Variants in FAM120AOS observed in about 807,000 individuals in gnomAD.
The protein encoded by FAM120AOS is family with sequence similarity 120 member A opposite strand, also known as uncharacterized protein FAM120AOS.
A neutral mutation model predicts 20.2 loss-of-function variants in FAM120AOS; 15 were observed. That is an observed-to-expected ratio of 0.74 (90% CI 0.50 to 1.15). The LOEUF (loss-of-function observed/expected upper bound fraction) is 1.15. Among genes scored for constraint, FAM120AOS ranks in the 50% most tolerant of loss-of-function variants. The probability of loss-of-function intolerance (pLI) is 0.00; values close to 1 mark genes in which losing one functional copy is unlikely to be tolerated. For synonymous variants in FAM120AOS, 154 were observed against 154.0 expected (o/e 1.00, Z 0.00); for missense variants, 327 against 351.9 (o/e 0.93, Z 0.57).
chr9:93,452,824 A>G lies in FAM120AOS; in HGVS notation c.-115T>C. On this transcript the variant is annotated 5_prime_UTR_variant, in exon 1 of 3. Coordinates refer to ENST00000375412, the MANE Select transcript of FAM120AOS (RefSeq NM_198841.4). The surrounding 1 kb of genome is among the most constrained non-coding windows in gnomAD (Gnocchi z 7.0). The stretch of plus-strand genomic sequence containing the variant: ...TTCATCTTGGAAGCAGGCAGGATAC[A>G]GAGTAATAGAGGGGGTTTCGCCAGA... 2 of 1,554,642 alleles carry G rather than the reference A, an allele frequency of 1.3e-6. No individual in the cohort carries two copies. Among genetic ancestry groups the G allele is most frequent in the Non-Finnish European group, 8.6e-7 (1 of 1,159,548 alleles).
chr9:93,451,188 G>A (rs935384003), intron 1 of FAM120AOS: 8 of 1,549,250 alleles, frequency 5.2e-6, no homozygotes, highest in Admixed American at 3.9e-5. Flanking sequence ...GTCAGTGTGG[G>A]CAGCAGGCCC....
rs763087661 is a variant in FAM120AOS, at chr9:93,447,626, G to A, written c.756C>T (p.Phe252=). The change falls in exon 3 of 3, where the codon TTC becomes TTT. Residue 252 remains phenylalanine (F), a synonymous_variant. Coordinates refer to ENST00000375412, the MANE Select transcript of FAM120AOS (RefSeq NM_198841.4). The part of the protein sequence containing the change: ...KTTKPPTLRS[F]LSPI ...CCCTAGTTTTTCAAATTGGACTCAAGAATGATCTTAGTGTTGGTGGTTTTG... is the reference window on the plus strand; with the variant it reads ...CCCTAGTTTTTCAAATTGGACTCAAAAATGATCTTAGTGTTGGTGGTTTTG... 1.2e-6 allele frequency: 2 copies of A among 1,613,850 alleles called. No individual in the cohort carries two copies. The highest frequency in any genetic ancestry group is 1.7e-6 in the Non-Finnish European group (2 of 1,179,882).
Position 93,453,321 on chromosome 9 carries a change from A to G in FAM120AOS, c.-612T>C. 1 of 986,710 alleles carries G rather than the reference A, an allele frequency of 1.0e-6. No homozygotes were observed. Among genetic ancestry groups the G allele is most frequent in the South Asian group, 4.6e-5 (1 of 21,518 alleles). The allele number at this position is 986,710 out of a possible 1,614,324, so 61.1% of individuals were successfully genotyped here. ...AGGGCTTCGCAGCTGGCACTGGGCC[A>G]GAGGAGAACTTCAGGACCCAGCAGT... On this transcript the variant is annotated 5_prime_UTR_variant, in exon 1 of 3. Transcript: ENST00000375412.
chr9:93,448,512 A>C (rs575870347), intron 2 of FAM120AOS: 2 of 190,304 alleles, frequency 1.1e-5, no homozygotes, highest in African/African-American at 4.7e-5. Flanking sequence ...AAAATAAATA[A>C]AATAAATACA....
Position 93,443,843 on chromosome 9 carries a change from T to C in FAM120AOS, c.*3768A>G, listed in dbSNP as rs140145584. On this transcript the variant is annotated 3_prime_UTR_variant, in exon 3 of 3. Coordinates refer to ENST00000375412, the MANE Select transcript of FAM120AOS (RefSeq NM_198841.4). ...GGCCCCTTTTCCTCATCCTCTGGCT[T>C]AGAAAGATGGGCTTTCTCTCTGATG... 2.4e-3 allele frequency among the ~76,000 whole-genome samples: 362 copies of C among 152,202 alleles called. 1 individual carries two copies. Among genetic ancestry groups the C allele is most frequent in the African/African-American group, 8.1e-3 (335 of 41,514 alleles).
At position 93,452,573 on chromosome 9, in the gene FAM120AOS, G is replaced by A. The variant is rs1857303593; in HGVS notation, c.137C>T (p.Ala46Val). The A allele has an allele frequency of 1.9e-6, 3 of 1,593,674 alleles. No homozygotes were observed. The highest frequency in any genetic ancestry group is 2.5e-6 in the Non-Finnish European group (3 of 1,177,056). The change falls in exon 1 of 3, where the codon GCG becomes GTG. Residue 46 changes from alanine to valine, a missense_variant. Ala to Val is a moderately conservative substitution (Grantham distance 64). Coordinates refer to ENST00000375412, the MANE Select transcript of FAM120AOS (RefSeq NM_198841.4). The surrounding 1 kb of genome is among the most constrained non-coding windows in gnomAD (Gnocchi z 7.0). ...NRDSWRRAWAARGLHPRPSIL... is the reference protein window; with the variant it reads ...NRDSWRRAWAVRGLHPRPSIL... ...GGATGGCCGCGGGTGCAGGCCGCGC[G>A]CTGCCCAAGCCCGTCTCCAGCTGTC... is the stretch of plus-strand genomic sequence containing the variant.
intron 1 of FAM120AOS, chr9:93,451,057 A>G (rs771971105): frequency 1.3e-6 from 2 of 1,550,618 alleles, no homozygotes; most frequent in South Asian, 2.4e-5. Flanking sequence ...AAAAACCACA[A>G]CCGAGAGCCC....
At chr9:93,451,861 AC>A (rs1304594646) in intron 1 of FAM120AOS, 1 of 857,294 alleles carries the variant, frequency 1.2e-6, no homozygotes. Flanking sequence ...CGGCCCCACC[AC>A]CCCCGGCCCC....
chr9:93,449,359 G>C (rs1372322155), intron 2 of FAM120AOS, among the ~76,000 whole-genome samples: 1 of 152,020 alleles, frequency 6.6e-6, no homozygotes, highest in African/African-American at 2.4e-5. Context: ...GGTTCAATAA[G>C]GTAAATATTT....
chr9:93,451,054 A>G lies in FAM120AOS; in HGVS notation c.564-455T>C, dbSNP rs745793811. On this transcript the variant is annotated intron_variant, in intron 1 of 2. Transcript: ENST00000375412. ...GTCATTTGTCATAGGTGTAAAAACCACAACCGAGAGCCCGAAGCTGCTGGG... is the reference window on the plus strand; with the variant it reads ...GTCATTTGTCATAGGTGTAAAAACCGCAACCGAGAGCCCGAAGCTGCTGGG... 78 of 1,550,496 alleles carry G rather than the reference A, an allele frequency of 5.0e-5. 1 individual carries two copies. In the South Asian group the frequency reaches 8.8e-4, roughly 17 times the overall value.
At chr9:93,448,110 G>C (rs1856922725) in intron 2 of FAM120AOS, among the ~76,000 whole-genome samples, 1 of 152,178 alleles carries the variant, frequency 6.6e-6, no homozygotes, top group Non-Finnish European at 1.5e-5. Context: ...TACATGGGCA[G>C]CATTAAGGTC....
rs1857323463 is a variant in FAM120AOS, at chr9:93,452,724, G to A, written c.-15C>T. 1 of 1,598,360 alleles carries A rather than the reference G, an allele frequency of 6.3e-7. No homozygotes were observed. Among genetic ancestry groups the A allele is most frequent in the African/African-American group, 1.3e-5 (1 of 75,038 alleles). The stretch of plus-strand genomic sequence containing the variant: ...GTTTTTCCCATCCTATTTGAGGCGG[G>A]CAGGCTATCACTCACCTTCAACTTT... On this transcript the variant is annotated 5_prime_UTR_variant, in exon 1 of 3. Coordinates refer to ENST00000375412, the MANE Select transcript of FAM120AOS (RefSeq NM_198841.4). The surrounding 1 kb of genome is among the most constrained non-coding windows in gnomAD (Gnocchi z 7.0).
intron 1 of FAM120AOS, 39 bp from the exon 2 acceptor site, chr9:93,450,638 A>G (rs1857101932): frequency 1.2e-6 from 2 of 1,608,560 alleles, no homozygotes; most frequent in Non-Finnish European, 1.7e-6. Context: ...AAGGTAAGTA[A>G]AAGCGGCACT....
In FAM120AOS at chr9:93,444,281, C is replaced by G. The variant is rs1021504572; in HGVS notation, c.*3330G>C. On this transcript the variant is annotated 3_prime_UTR_variant, in exon 3 of 3. Transcript: ENST00000375412. ...TCTTGAACTCCTGACTTCAGGTGAT[C>G]CACCCGTCTTGGCCTCCCAAAGTGC... is the stretch of plus-strand genomic sequence containing the variant. 6.6e-6 allele frequency among the ~76,000 whole-genome samples: 1 copy of G among 152,104 alleles called. No individual in the cohort carries two copies. Among genetic ancestry groups the G allele is most frequent in the Non-Finnish European group, 1.5e-5 (1 of 68,030 alleles).
chr9:93,450,906 G>A, intron 1 of FAM120AOS: 1 of 1,044,818 alleles, frequency 9.6e-7, no homozygotes, highest in African/African-American at 1.6e-5. Context: ...TCTAGCCATT[G>A]CGCAGTGGTA....
chr9:93,444,948 G>A lies in FAM120AOS; in HGVS notation c.*2663C>T, dbSNP rs116172571. ...TTTCTTAAGAGAATCTTTGTGAGAAGATGTAGATATTGGCTTCATAATAAT... is the reference window on the plus strand; with the variant it reads ...TTTCTTAAGAGAATCTTTGTGAGAAAATGTAGATATTGGCTTCATAATAAT... On this transcript the variant is annotated 3_prime_UTR_variant, in exon 3 of 3. Coordinates refer to ENST00000375412, the MANE Select transcript of FAM120AOS (RefSeq NM_198841.4). Among the ~76,000 whole-genome samples, 1 of 152,276 alleles carries A rather than the reference G, an allele frequency of 6.6e-6. No homozygotes were observed. The highest frequency in any genetic ancestry group is 2.4e-5 in the African/African-American group (1 of 41,548).
chr9:93,450,460 G>A lies in FAM120AOS; in HGVS notation c.684+19C>T. The A allele has an allele frequency of 6.5e-7, 1 of 1,547,668 alleles. No individual in the cohort carries two copies. Among genetic ancestry groups the A allele is most frequent in the Non-Finnish European group, 8.7e-7 (1 of 1,149,834 alleles). ...TTTGAGGTGGGTATCAGAAAAGAAA[G>A]CAGAAAAATCCAACTTGCCTTTTTC... is the stretch of plus-strand genomic sequence containing the variant. On this transcript the variant is annotated intron_variant, in intron 2 of 2. Transcript: ENST00000375412.
chr9:93,452,446 C>T lies in FAM120AOS; in HGVS notation c.264G>A (p.Arg88=), dbSNP rs1857288543. Residue 88 remains arginine (R), a synonymous_variant, in exon 1 of 3, where the codon AGG becomes AGA. Coordinates refer to ENST00000375412, the MANE Select transcript of FAM120AOS (RefSeq NM_198841.4). This position sits in a 1 kb window ranked among gnomAD's most constrained non-coding sequence, Gnocchi z 7.0. ...HGRATFCALG[R]GIGVRRGPGP... is the part of the protein sequence containing the mutation. ...CGGGGCCGCGCCGCACCCCTATCCC[C>T]CTTCCCAGGGCGCAGAATGTCGCCC... The T allele has an allele frequency of 6.4e-7, 1 of 1,558,060 alleles. No individual in the cohort carries two copies. The highest frequency in any genetic ancestry group is 8.7e-7 in the Non-Finnish European group (1 of 1,154,226).
rs1856803933 is a variant in FAM120AOS, at chr9:93,445,159, G to T, written c.*2452C>A. 6.6e-6 allele frequency among the ~76,000 whole-genome samples: 1 copy of T among 152,072 alleles called. No individual in the cohort carries two copies. The highest frequency in any genetic ancestry group is 1.9e-4 in the East Asian group (1 of 5,190). ...GGCATCTTCTATCTTCTAGGACAGG[G>T]TACAGTAAGTCTTACCAAACATGTA... On this transcript the variant is annotated 3_prime_UTR_variant, in exon 3 of 3. Transcript: ENST00000375412.
Sources: gnomAD v4.1 joint callset for allele counts (sites outside exome capture counted in the v4.1 genomes callset) on GRCh38, gnomAD v4.1.1 for gene constraint, Gnocchi (gnomAD v3.1) non-coding constraint, MANE v1.5 for transcripts, NCBI Gene and HGNC (gene_info 2026-07-23, HGNC 2026-07-21) for gene names.